RBFOX1: variants seen among roughly 807,000 people sequenced by gnomAD.
RBFOX1 encodes RNA binding protein fox-1 homolog 1.
In RBFOX1, 8 loss-of-function variants were observed where a neutral mutation model predicts 57.7. The observed-to-expected ratio is 0.14, with a 90% CI of 0.08 to 0.25. The LOEUF is 0.25. Ranked by LOEUF, RBFOX1 falls within the 10% of genes least tolerant of loss-of-function variation. The pLI is 1.00. For synonymous variants in RBFOX1, 326 were observed against 222.4 expected, an observed-to-expected ratio of 1.47 and a Z score of -4.15; for missense variants, 611 against 548.5, an observed-to-expected ratio of 1.11 and a Z score of -1.14.
At chr16:6,763,653 C>G (rs968752257) in intron 3 of RBFOX1, among the ~76,000 whole-genome samples, 6 of 152,188 alleles carry the variant, frequency 3.9e-5, no homozygotes, top group Non-Finnish European at 8.8e-5. Flanking sequence ...TCTGTTCTAC[C>G]TCCCAGCAAA....
At chr16:5,876,932 G>A (rs1178288606) in intron 4 of RBFOX1, among the ~76,000 whole-genome samples, 1 of 152,152 alleles carries the variant, frequency 6.6e-6, no homozygotes, top group South Asian at 2.1e-4. Context: ...TATGGGGGAA[G>A]GCCTGGAGAT....
intron 3 of RBFOX1, among the ~76,000 whole-genome samples, chr16:5,836,224 C>T (rs1028272507): frequency 2.6e-5 from 4 of 152,048 alleles, no homozygotes; most frequent in African/African-American, 7.2e-5. Flanking sequence ...CCCAGGGGAG[C>T]CCAACTAGCA....
chr16:5,288,673 C>G (rs562842570), intron 1 of RBFOX1, among the ~76,000 whole-genome samples: 2 of 151,168 alleles, frequency 1.3e-5, no homozygotes, highest in East Asian at 3.9e-4. Context: ...TTTATTTTCA[C>G]ATTTCCCAAT....
chr16:5,443,224 T>C (rs752606943), intron 1 of RBFOX1, among the ~76,000 whole-genome samples: 11 of 152,080 alleles, frequency 7.2e-5, no homozygotes, highest in Non-Finnish European at 1.5e-4. Flanking sequence ...ATTTTAGAGA[T>C]AGGAAAAACC....
intron 3 of RBFOX1, among the ~76,000 whole-genome samples, chr16:6,845,761 T>C (rs756972944): frequency 3.9e-5 from 6 of 152,218 alleles, no homozygotes; most frequent in African/African-American, 7.2e-5. Flanking sequence ...CAACTCACAC[T>C]GGTCTTTTAT....
chr16:7,647,934 T>C, intron 11 of RBFOX1, among the ~76,000 whole-genome samples: 1 of 152,194 alleles, frequency 6.6e-6, no homozygotes, highest in East Asian at 1.9e-4. Flanking sequence ...TTCTATGTGG[T>C]CAAAAAACAG....
intron 4 of RBFOX1, among the ~76,000 whole-genome samples, chr16:7,236,391 C>G (rs1023304351): frequency 1.3e-5 from 2 of 152,158 alleles, no homozygotes; most frequent in African/African-American, 4.8e-5. Flanking sequence ...GGGGCGTACC[C>G]TCTTTTAAGG....
At chr16:6,862,802 T>A (rs933580356) in intron 3 of RBFOX1, among the ~76,000 whole-genome samples, 1 of 152,038 alleles carries the variant, frequency 6.6e-6, no homozygotes, top group African/African-American at 2.4e-5. Flanking sequence ...CTGGCCAAAA[T>A]GGTGAAACCT....
rs2065461621 is a variant in RBFOX1, at chr16:5,358,757, G to A, written c.220-108459G>A. Reference sequence around the variant, plus strand: ...CAGGAGAATCGCTTGAACCTGGGAGGCAAAGGTTGCGGTGAGCCGAGATCG... The same window carrying A: ...CAGGAGAATCGCTTGAACCTGGGAGACAAAGGTTGCGGTGAGCCGAGATCG... On this transcript the variant is annotated intron_variant, in intron 1 of 2. Coordinates refer to the RBFOX1 transcript ENST00000585867. Among the ~76,000 whole-genome samples the A allele has an allele frequency of 2.0e-5, 3 of 152,298 alleles. No homozygotes were observed. In the South Asian group the frequency reaches 6.2e-4, roughly 32 times the overall value.
intron 1 of RBFOX1, among the ~76,000 whole-genome samples, chr16:6,121,184 C>T (rs1182464598): frequency 1.3e-5 from 2 of 152,120 alleles, no homozygotes; most frequent in Non-Finnish European, 1.5e-5. Flanking sequence ...ACATGCACTG[C>T]AGGTTTATGG....
At chr16:7,375,339 T>G (rs2097665539) in intron 4 of RBFOX1, among the ~76,000 whole-genome samples, 2 of 152,150 alleles carry the variant, frequency 1.3e-5, no homozygotes, top group African/African-American at 2.4e-5. Context: ...GTGTTTTTGC[T>G]TCTGATAATT....
At chr16:6,344,032 C>G (rs950580498) in intron 2 of RBFOX1, among the ~76,000 whole-genome samples, 9 of 152,076 alleles carry the variant, frequency 5.9e-5, no homozygotes, top group African/African-American at 2.2e-4. Flanking sequence ...AGGAGGTAAT[C>G]AGTCCTTCTT....
At chr16:5,903,888 G>A (rs1163972702) in intron 4 of RBFOX1, among the ~76,000 whole-genome samples, 1 of 152,164 alleles carries the variant, frequency 6.6e-6, no homozygotes, top group Non-Finnish European at 1.5e-5. Context: ...CCCTGCATGT[G>A]CTCACCAGAG....
intron 1 of RBFOX1, among the ~76,000 whole-genome samples, chr16:6,241,190 T>A (rs1365464286): frequency 1.3e-5 from 2 of 152,062 alleles, no homozygotes; most frequent in Non-Finnish European, 2.9e-5. Flanking sequence ...ATAAGCGAAA[T>A]ATGCAAATTC....
intron 3 of RBFOX1, among the ~76,000 whole-genome samples, chr16:6,660,586 G>A (rs74005641): frequency 0.024 from 3,722 of 152,110 alleles, 160 homozygotes; most frequent in African/African-American, 0.084. Context: ...CTCCCAAATA[G>A]CAACTCTGTG....
chr16:5,478,274 C>G (rs1358917787), intron 2 of RBFOX1, among the ~76,000 whole-genome samples: 1 of 152,046 alleles, frequency 6.6e-6, no homozygotes, highest in Non-Finnish European at 1.5e-5. Context: ...TTGTCCGATC[C>G]AAGCTGCCAG....
intron 1 of RBFOX1, among the ~76,000 whole-genome samples, chr16:6,174,382 G>A (rs2096986996): frequency 6.6e-6 from 1 of 152,148 alleles, no homozygotes; most frequent in African/African-American, 2.4e-5. Context: ...ATCACCTGAG[G>A]CCAGGAGTTC....
chr16:7,207,658 C>T (rs1186743304), intron 4 of RBFOX1, among the ~76,000 whole-genome samples: 4 of 152,126 alleles, frequency 2.6e-5, no homozygotes, highest in South Asian at 2.1e-4. Context: ...AAGGATGGAG[C>T]GGAAGAAATG....
At chr16:6,793,023 C>A in intron 3 of RBFOX1, among the ~76,000 whole-genome samples, 2 of 130,908 alleles carry the variant, frequency 1.5e-5, no homozygotes. Context: ...AGTGAGACTC[C>A]ATCTGAAAAA....
Sources: allele counts gnomAD v4.1 joint callset (sites outside exome capture counted in the v4.1 genomes callset), GRCh38; gene constraint gnomAD v4.1.1; transcripts MANE v1.5; gene names NCBI Gene and HGNC (gene_info 2026-07-23, HGNC 2026-07-21).